The following VPS45 variants were observed in gnomAD, a reference collection of about 807,000 sequenced individuals.
VPS45 encodes the protein vacuolar protein sorting 45 homolog, also known as vacuolar protein sorting-associated protein 45.
A neutral mutation model predicts 75.9 loss-of-function variants in VPS45; 35 were observed. That is an observed-to-expected ratio of 0.46 (90% confidence interval 0.35 to 0.61). The LOEUF (loss-of-function observed/expected upper bound fraction) is 0.61. Ranked by LOEUF, VPS45 falls within the 20% of genes least tolerant of loss-of-function variation. The pLI is 0.00. For missense variants in VPS45, 559 were observed against 685.9 expected, an observed-to-expected ratio of 0.81 and a Z score of 2.07; for synonymous variants, 220 against 238.2, an observed-to-expected ratio of 0.92 and a Z score of 0.70.
At chr1:150,074,138 C>G (rs1318906492) in intron 3 of VPS45, among the ~76,000 whole-genome samples, 2 of 151,900 alleles carry the variant, frequency 1.3e-5, no homozygotes, top group African/African-American at 4.8e-5. Context: ...CCTCAGCCTC[C>G]CGAGTAGCTA....
intron 10 of VPS45, among the ~76,000 whole-genome samples, chr1:150,089,078 A>G (rs1422217936): frequency 6.6e-6 from 1 of 152,200 alleles, no homozygotes; most frequent in Non-Finnish European, 1.5e-5. Flanking sequence ...AACACTTACT[A>G]TCTCTAATAA....
At chr1:150,093,419 C>A in intron 12 of VPS45, 108 bp from the exon 13 acceptor site, 1 of 1,212,290 alleles carries the variant, frequency 8.2e-7, no homozygotes, top group Non-Finnish European at 1.1e-6. Context: ...GTAAATCTAT[C>A]CCATGAAATC....
Position 150,145,166 on chromosome 1 carries a change from C to G in VPS45, c.*370C>G. On this transcript the variant is annotated 3_prime_UTR_variant, in exon 15 of 15. Transcript: ENST00000644510. ...TTGGCTTCCTTTCTCTTCCCTTAAC[C>G]CTTTCTGCTTTTCATTAACCACATT... 2.4e-6 allele frequency: 1 copy of G among 410,000 alleles called. No individual in the cohort carries two copies. The highest frequency in any genetic ancestry group is 4.4e-6 in the Non-Finnish European group (1 of 227,502). 25.4% of individuals were successfully genotyped at this position (410,000 alleles called of 1,614,324 possible).
chr1:150,110,681 T>G (rs1389388508), intron 14 of VPS45, 54 bp downstream of exon 14: 3 of 1,507,506 alleles, frequency 2.0e-6, no homozygotes, highest in Non-Finnish European at 2.7e-6. Flanking sequence ...AGGATAAAGC[T>G]TAAATTCCCT....
chr1:150,111,390 T>C (rs1052245794), intron 14 of VPS45, among the ~76,000 whole-genome samples: 1 of 152,232 alleles, frequency 6.6e-6, no homozygotes. Flanking sequence ...AGCTGGAATG[T>C]GTGTAATAAA....
rs371824146 is a variant in VPS45 at position 150,110,597 on chromosome 1, T to C, written c.1595T>C (p.Leu532Pro). Residue 532 changes from leucine to proline, a missense_variant, in exon 14 of 15, where the codon CTG becomes CCG. Leu to Pro is a moderately conservative substitution (Grantham distance 98). Transcript: ENST00000644510. ...ACCACTCCTGGAGTGAGGATTGTCC[T>C]GGGAGGCACCACAGTGCACAACACG... is the stretch of plus-strand genomic sequence containing the variant. ...NRTTPGVRIV[L>P]GGTTVHNTKS... The C allele has an allele frequency of 1.2e-6, 2 of 1,613,374 alleles. No homozygotes were observed. The highest frequency in any genetic ancestry group is 2.7e-5 in the African/African-American group (2 of 74,894).
At chr1:150,128,213 G>A (rs1658616929) in intron 14 of VPS45, among the ~76,000 whole-genome samples, 1 of 151,664 alleles carries the variant, frequency 6.6e-6, no homozygotes, top group African/African-American at 2.4e-5. Context: ...AAGATGGGAG[G>A]ATAGCTTGAG....
At chr1:150,097,508 C>T (rs1656733766) in intron 13 of VPS45, among the ~76,000 whole-genome samples, 1 of 151,566 alleles carries the variant, frequency 6.6e-6, no homozygotes, top group South Asian at 2.1e-4. Context: ...TCTTTGAGGT[C>T]AGGAGTTTGA....
chr1:150,072,613 C>T (rs587748781), intron 3 of VPS45, among the ~76,000 whole-genome samples: 2 of 143,150 alleles, frequency 1.4e-5, no homozygotes, highest in South Asian at 4.3e-4. Flanking sequence ...GCCGAGATTG[C>T]GCCATTGCAC....
At chr1:150,068,354 A>C in intron 1 of VPS45, 1 of 375,254 alleles carries the variant, frequency 2.7e-6, no homozygotes, top group South Asian at 8.7e-5. Flanking sequence ...AAAACTCTTT[A>C]AGGTGATAGA....
intron 14 of VPS45, 135 bp from the exon 15 acceptor site, chr1:150,144,574 A>G (rs1390893681): frequency 1.4e-6 from 1 of 716,000 alleles, no homozygotes; most frequent in African/African-American, 1.8e-5. Context: ...TCCATTCTAT[A>G]CCCAAATATC....
At chr1:150,071,244 A>T (rs2101491430) in intron 2 of VPS45, among the ~76,000 whole-genome samples, 1 of 152,282 alleles carries the variant, frequency 6.6e-6, no homozygotes, top group South Asian at 2.1e-4. Context: ...TTATAATCTT[A>T]TGTAATTGGA....
At chr1:150,082,635 T>G (rs1175898082) in intron 9 of VPS45, 81 bp from the exon 10 acceptor site, 1 of 1,507,128 alleles carries the variant, frequency 6.6e-7, no homozygotes, top group African/African-American at 1.4e-5. Flanking sequence ...CAACCCCCGC[T>G]TTCCCCAACC....
intron 14 of VPS45, among the ~76,000 whole-genome samples, chr1:150,122,602 G>C (rs1476504863): frequency 6.6e-6 from 1 of 151,962 alleles, no homozygotes; most frequent in Non-Finnish European, 1.5e-5. Context: ...TTTTTATTGA[G>C]CTAAAATTTA....
At chr1:150,105,027 A>T (rs1657242790) in intron 13 of VPS45, among the ~76,000 whole-genome samples, 1 of 152,234 alleles carries the variant, frequency 6.6e-6, no homozygotes, top group Non-Finnish European at 1.5e-5. Context: ...TGTTTTCCAC[A>T]GAGGTTGAAC....
chr1:150,117,705 A>G (rs1318614908), intron 14 of VPS45, among the ~76,000 whole-genome samples: 10 of 150,680 alleles, frequency 6.6e-5, no homozygotes, highest in African/African-American at 2.4e-4. Context: ...CCAAAAATAC[A>G]AAAAAGTAGC....
rs74127413 is a variant in VPS45 at position 150,077,384 on chromosome 1, A to G, written c.576+153A>G. ...AGGTAGGTATATGTAATTTAAAACA[A>G]AAAGCAACAATTAGAGCTAAGATTC... On this transcript the variant is annotated intron_variant, in intron 6 of 14. Coordinates refer to ENST00000644510, the MANE Select transcript of VPS45 (RefSeq NM_007259.5). The G allele has an allele frequency of 5.5e-3, 5,549 of 1,003,892 alleles. 164 individuals carry two copies. In the African/African-American group the frequency reaches 0.076, roughly 14 times the overall value. 62.2% of individuals were successfully genotyped at this position (1,003,892 alleles called of 1,614,324 possible).
At chr1:150,075,247 C>A (rs1306898965) in intron 3 of VPS45, among the ~76,000 whole-genome samples, 1 of 151,240 alleles carries the variant, frequency 6.6e-6, no homozygotes, top group Admixed American at 6.6e-5. Flanking sequence ...TAGGTCCTCC[C>A]ACCCCTGCCC....
intron 14 of VPS45, among the ~76,000 whole-genome samples, chr1:150,120,942 A>G (rs1658202778): frequency 7.2e-6 from 1 of 139,802 alleles, no homozygotes; most frequent in South Asian, 2.2e-4. Flanking sequence ...ATCTCGGCTC[A>G]CTGCAAGCTT....
Sources: gnomAD v4.1 joint callset for allele counts (sites outside exome capture counted in the v4.1 genomes callset) on GRCh38, gnomAD v4.1.1 for gene constraint, MANE v1.5 for transcripts, NCBI Gene and HGNC (gene_info 2026-07-23, HGNC 2026-07-21) for gene names.